SNX29: variants seen among roughly 807,000 people sequenced by gnomAD.
The protein encoded by SNX29 is sorting nexin-29.
Under a neutral mutation model 102.1 loss-of-function variants are expected in SNX29, and 78 were observed. The ratio of observed to expected loss-of-function variants is 0.76; its 90% CI spans 0.64 to 0.92. The LOEUF (loss-of-function observed/expected upper bound fraction) is 0.92. SNX29 is among the 40% of genes least tolerant of loss of function. SNX29 has a pLI of 0.00. For synonymous variants in SNX29, 580 were observed against 414.5 expected, an observed-to-expected ratio of 1.40 and a Z score of -4.85; for missense variants, 1,280 against 1,061.7, an observed-to-expected ratio of 1.21 and a Z score of -2.86.
intron 4 of SNX29, among the ~76,000 whole-genome samples, chr16:12,031,888 A>G (rs1360478214): frequency 1.3e-5 from 2 of 152,204 alleles, no homozygotes; most frequent in African/African-American, 4.8e-5. Flanking sequence ...TTTGAAGTGT[A>G]CAATTCAGTG....
chr16:12,046,201 G>A (rs1469194325), intron 5 of SNX29, among the ~76,000 whole-genome samples, 183 bp from the exon 6 acceptor site: 1 of 152,222 alleles, frequency 6.6e-6, no homozygotes, highest in Non-Finnish European at 1.5e-5. Flanking sequence ...GTTGTAGGAT[G>A]TAAGTGTTCA....
chr16:12,131,992 C>T (rs935606723), intron 13 of SNX29, among the ~76,000 whole-genome samples: 6 of 152,282 alleles, frequency 3.9e-5, no homozygotes, highest in African/African-American at 1.4e-4. Flanking sequence ...TTTGCCTGGC[C>T]ATGCTAGAGT....
chr16:12,362,553 T>TCCCCCCCCCCCCCCC (rs1199911670), intron 16 of SNX29, among the ~76,000 whole-genome samples: 3 of 11,060 alleles, frequency 2.7e-4, no homozygotes, highest in African/African-American at 6.0e-4. Context: ...GCTGCTGCAC[T>TCCCCCCCCCCCCCCC]CCCCCCCCAC....
At chr16:12,361,120 G>C (rs1007850171) in intron 16 of SNX29, among the ~76,000 whole-genome samples, 2 of 152,222 alleles carry the variant, frequency 1.3e-5, no homozygotes, top group African/African-American at 4.8e-5. Flanking sequence ...CCTCCTCTGA[G>C]AAAGGACAAT....
chr16:12,298,066 A>G (rs1049834397), intron 15 of SNX29, among the ~76,000 whole-genome samples: 4 of 152,200 alleles, frequency 2.6e-5, no homozygotes, highest in African/African-American at 9.6e-5. Flanking sequence ...GCTACTTGGG[A>G]GGCTGAGGCA....
intron 20 of SNX29, among the ~76,000 whole-genome samples, chr16:12,558,780 A>T (rs1361979725): frequency 6.6e-6 from 1 of 152,102 alleles, no homozygotes; most frequent in African/African-American, 2.4e-5. Flanking sequence ...GCATTGTACA[A>T]CCTGAAGCAG....
intron 15 of SNX29, among the ~76,000 whole-genome samples, chr16:12,295,752 G>A (rs536193135): frequency 1.3e-5 from 2 of 152,184 alleles, no homozygotes; most frequent in South Asian, 2.1e-4. Context: ...CTTTAGCAAA[G>A]GATATTGAAA....
intron 19 of SNX29, among the ~76,000 whole-genome samples, chr16:12,481,455 C>T (rs28538914): frequency 1.7e-5 from 2 of 117,858 alleles, no homozygotes; most frequent in Non-Finnish European, 3.9e-5. Flanking sequence ...CACATATATA[C>T]ATATATATAT....
At chr16:12,163,844 C>G (rs11864711) in intron 13 of SNX29, among the ~76,000 whole-genome samples, 1 of 152,166 alleles carries the variant, frequency 6.6e-6, no homozygotes, top group African/African-American at 2.4e-5. Flanking sequence ...GGTACTGTTC[C>G]GTGGTGCAGA....
At chr16:12,468,168 C>G (rs1357571683) in intron 18 of SNX29, among the ~76,000 whole-genome samples, 2 of 131,348 alleles carry the variant, frequency 1.5e-5, no homozygotes, top group African/African-American at 6.0e-5. Context: ...TACTCTGACT[C>G]CTTTTTTTTT....
At chr16:12,484,175 G>T (rs2088112407) in intron 19 of SNX29, among the ~76,000 whole-genome samples, 1 of 152,048 alleles carries the variant, frequency 6.6e-6, no homozygotes, top group South Asian at 2.1e-4. Flanking sequence ...TTGAGACAGG[G>T]TCTCTCTCTG....
chr16:12,406,911 AAAG>A (rs2084189222), intron 18 of SNX29, among the ~76,000 whole-genome samples: 1 of 152,204 alleles, frequency 6.6e-6, no homozygotes, highest in Non-Finnish European at 1.5e-5. Context: ...TCTGTCTCAA[AAAG>A]AAAGAAAGAA....
intron 20 of SNX29, among the ~76,000 whole-genome samples, chr16:12,560,411 G>A (rs912450692): frequency 1.3e-5 from 2 of 152,172 alleles, no homozygotes; most frequent in Non-Finnish European, 2.9e-5. Flanking sequence ...AAAAGCCACA[G>A]TGTCTGTCCT....
intron 20 of SNX29, among the ~76,000 whole-genome samples, chr16:12,550,566 G>A (rs990733289): frequency 3.3e-5 from 5 of 151,058 alleles, no homozygotes; most frequent in African/African-American, 7.3e-5. Context: ...CAAATATGAG[G>A]ATATATACTT....
chr16:11,987,341 G>C (rs2055670789), intron 1 of SNX29, among the ~76,000 whole-genome samples: 1 of 150,710 alleles, frequency 6.6e-6, no homozygotes, highest in Admixed American at 6.6e-5. Context: ...AAGTGCTGGA[G>C]TTACAAGCGT....
intron 13 of SNX29, among the ~76,000 whole-genome samples, chr16:12,147,557 G>A (rs533485025): frequency 6.6e-6 from 1 of 152,178 alleles, no homozygotes; most frequent in African/African-American, 2.4e-5. Flanking sequence ...ACAATGGGAA[G>A]AGAGGTGTGG....
intron 14 of SNX29, among the ~76,000 whole-genome samples, chr16:12,276,113 G>A (rs8058876): frequency 0.54 from 82,651 of 151,676 alleles, 22,809 homozygotes; most frequent in Middle Eastern, 0.6. Flanking sequence ...GGCTGGTTTC[G>A]GACTCCTGAC....
chr16:12,049,822 GC>G (rs2050233675), intron 7 of SNX29, among the ~76,000 whole-genome samples: 1 of 152,044 alleles, frequency 6.6e-6, no homozygotes, highest in Admixed American at 6.6e-5. Context: ...TTGCCATGTT[GC>G]CCAGGCTGGT....
At chr16:12,388,898 G>A (rs2083429110) in intron 16 of SNX29, among the ~76,000 whole-genome samples, 1 of 152,206 alleles carries the variant, frequency 6.6e-6, no homozygotes, top group Non-Finnish European at 1.5e-5. Context: ...AAAGGCAGGT[G>A]CCTTTGGTTG....
Sources: allele counts gnomAD v4.1 joint callset (sites outside exome capture counted in the v4.1 genomes callset), GRCh38; gene constraint gnomAD v4.1.1; transcripts MANE v1.5; gene names NCBI Gene and HGNC (gene_info 2026-07-23, HGNC 2026-07-21).